The following COBL variants were observed in gnomAD, a reference collection of about 807,000 sequenced individuals.
COBL encodes the protein protein cordon-bleu.
In COBL, 51 loss-of-function variants were observed where a neutral mutation model predicts 98.8. That is an observed-to-expected ratio of 0.52 (90% CI 0.41 to 0.65). The LOEUF is 0.65. Among genes scored for constraint, COBL ranks in the 30% least tolerant of loss-of-function variants. The probability of loss-of-function intolerance (pLI) is 0.00; values close to 1 mark genes in which losing one functional copy is unlikely to be tolerated. For missense variants in COBL, 1,617 were observed against 1,617.5 expected (o/e 1.00, Z 0.01); for synonymous variants, 634 against 651.7 (o/e 0.97, Z 0.41).
At chr7:51,128,919 G>A (rs1257567720) in intron 6 of COBL, among the ~76,000 whole-genome samples, 1 of 152,200 alleles carries the variant, frequency 6.6e-6, no homozygotes, top group African/African-American at 2.4e-5. Flanking sequence ...GTCCCTGCCC[G>A]ACCTCGCACT....
rs554510537 is a variant in COBL at position 51,050,880 on chromosome 7, G to A, written c.1097-7188C>T. On this transcript the variant is annotated intron_variant, in intron 7 of 12. Transcript: ENST00000265136. Reference sequence around the variant, plus strand: ...CTGTTTCTGAGAACTGAGGAGTCTTGTCTAATAAATGTCTAAATTTCCTTT... The same window carrying A: ...CTGTTTCTGAGAACTGAGGAGTCTTATCTAATAAATGTCTAAATTTCCTTT... 2.0e-5 allele frequency among the ~76,000 whole-genome samples: 3 copies of A among 152,268 alleles called. No homozygotes were observed. The East Asian group carries it at 5.8e-4, about 29-fold the overall frequency.
chr7:51,113,696 T>A (rs541949202), intron 6 of COBL, among the ~76,000 whole-genome samples: 77 of 152,358 alleles, frequency 5.1e-4, no homozygotes, highest in African/African-American at 1.4e-3. Flanking sequence ...TCCTTTTCAA[T>A]ATTATTTGGA....
At chr7:51,174,574 T>G (rs942215394) in intron 5 of COBL, among the ~76,000 whole-genome samples, 1 of 152,142 alleles carries the variant, frequency 6.6e-6, no homozygotes, top group Non-Finnish European at 1.5e-5. Flanking sequence ...GGTGACTTCT[T>G]GAGGCCATCT....
At chr7:51,302,036 C>T (rs921155971) in intron 1 of COBL, among the ~76,000 whole-genome samples, 1 of 152,174 alleles carries the variant, frequency 6.6e-6, no homozygotes, top group African/African-American at 2.4e-5. Flanking sequence ...TCTTCAGTGT[C>T]GTGGCCCTCC....
At chr7:51,210,294 C>T (rs576622954) in intron 2 of COBL, among the ~76,000 whole-genome samples, 3 of 152,310 alleles carry the variant, frequency 2.0e-5, no homozygotes, top group African/African-American at 7.2e-5. Flanking sequence ...GGAGGCAAAA[C>T]TCCACCCCCA....
chr7:51,105,748 C>T (rs541919485), intron 6 of COBL, among the ~76,000 whole-genome samples: 1 of 151,452 alleles, frequency 6.6e-6, no homozygotes, highest in Admixed American at 6.6e-5. Context: ...AGAACAAGAC[C>T]CCATCTCAGA....
At chr7:51,084,069 C>G (rs1793953680) in intron 7 of COBL, among the ~76,000 whole-genome samples, 2 of 152,146 alleles carry the variant, frequency 1.3e-5, no homozygotes, top group South Asian at 4.2e-4. Flanking sequence ...TCTTTCAGTC[C>G]TTTGGGAAAG....
At chr7:51,071,425 T>C (rs1056080647) in intron 7 of COBL, 6 of 152,186 alleles carry the variant, frequency 3.9e-5, no homozygotes, top group African/African-American at 1.4e-4. Flanking sequence ...CCATCTCTCA[T>C]GGAGATCACT....
chr7:51,186,604 G>GCAC (rs1489789503), intron 4 of COBL, among the ~76,000 whole-genome samples: 3 of 152,218 alleles, frequency 2.0e-5, no homozygotes, highest in African/African-American at 7.2e-5. Context: ...GACAGCCCCG[G>GCAC]CACCAGAATG....
At chr7:51,217,416 A>G (rs1179651887) in intron 2 of COBL, among the ~76,000 whole-genome samples, 1 of 143,104 alleles carries the variant, frequency 7.0e-6, no homozygotes, top group Non-Finnish European at 1.5e-5. Context: ...ATCTCGGCTC[A>G]CCACAGTCTC....
intron 1 of COBL, among the ~76,000 whole-genome samples, chr7:51,260,642 C>T (rs1797630964): frequency 6.6e-6 from 1 of 152,158 alleles, no homozygotes; most frequent in Admixed American, 6.5e-5. Flanking sequence ...CTATGTGTTG[C>T]AGAATGGGAT....
chr7:51,247,542 G>A (rs1268678626), intron 1 of COBL, among the ~76,000 whole-genome samples: 3 of 152,188 alleles, frequency 2.0e-5, no homozygotes, highest in Non-Finnish European at 2.9e-5. Context: ...GTATACAAAG[G>A]TGGACACTGG....
chr7:51,049,510 T>G lies in COBL; in HGVS notation c.1097-5818A>C, dbSNP rs113853456. Among the ~76,000 whole-genome samples the G allele has an allele frequency of 4.5e-3, 678 of 152,310 alleles. 6 individuals carry two copies. Among genetic ancestry groups the G allele is most frequent in the African/African-American group, 0.015 (629 of 41,558 alleles). On this transcript the variant is annotated intron_variant, in intron 7 of 12. Coordinates refer to ENST00000265136, the MANE Select transcript of COBL (RefSeq NM_015198.5). ...AAGTCCTGATTCTCCCAGAAGAACG[T>G]GTACCCAGTTTAAACCCACCAATGT...
At chr7:51,175,885 G>A (rs184989890) in intron 5 of COBL, among the ~76,000 whole-genome samples, 1 of 152,272 alleles carries the variant, frequency 6.6e-6, no homozygotes, top group Admixed American at 6.5e-5. Context: ...GGGAATCTAG[G>A]TGCAGTCTTT....
chr7:51,259,925 G>A, intron 1 of COBL: 1 of 754,684 alleles, frequency 1.3e-6, no homozygotes, highest in Non-Finnish European at 2.4e-6. Flanking sequence ...ATGTTATCTG[G>A]CAATTCCAAG....
chr7:51,225,397 G>T (rs370493005), intron 1 of COBL, among the ~76,000 whole-genome samples: 6 of 152,340 alleles, frequency 3.9e-5, no homozygotes, highest in African/African-American at 1.2e-4. Flanking sequence ...CTGGGACCTT[G>T]CCCGGCTCCT....
At chr7:51,240,654 C>T (rs1367477257) in intron 1 of COBL, among the ~76,000 whole-genome samples, 1 of 152,112 alleles carries the variant, frequency 6.6e-6, no homozygotes, top group Non-Finnish European at 1.5e-5. Context: ...TCAAGCAATT[C>T]TCCTGCCTCA....
chr7:51,113,994 T>C (rs754544497), intron 6 of COBL, among the ~76,000 whole-genome samples: 2 of 152,238 alleles, frequency 1.3e-5, no homozygotes, highest in Non-Finnish European at 2.9e-5. Flanking sequence ...TTCTAGGTTA[T>C]TCCGTGTGAT....
At chr7:51,135,774 T>C (rs1488802637) in intron 6 of COBL, among the ~76,000 whole-genome samples, 2 of 152,248 alleles carry the variant, frequency 1.3e-5, no homozygotes, top group Non-Finnish European at 1.5e-5. Flanking sequence ...ATTTGCTTTC[T>C]GTAAATGTTG....
Sources: allele counts gnomAD v4.1 joint callset (sites outside exome capture counted in the v4.1 genomes callset), GRCh38; gene constraint gnomAD v4.1.1; transcripts MANE v1.5; gene names NCBI Gene and HGNC (gene_info 2026-07-23, HGNC 2026-07-21).